The following POTEF variants were observed in gnomAD, a reference collection of about 807,000 sequenced individuals.
The protein encoded by POTEF is ANKRD26-like family C member 1B.
A neutral mutation model predicts 83.2 loss-of-function variants in POTEF; 20 were observed. That is an observed-to-expected ratio of 0.24 (90% CI 0.17 to 0.35). The LOEUF (loss-of-function observed/expected upper bound fraction) is 0.35. Among genes scored for constraint, POTEF ranks in the 10% least tolerant of loss-of-function variants. The pLI is 1.00. For missense variants in POTEF, 550 were observed against 1,203.2 expected (o/e 0.46, Z 8.03); for synonymous variants, 196 against 446.4 (o/e 0.44, Z 7.07).
chr2:130,111,536 T>G (rs1327742134), intron 6 of POTEF, among the ~76,000 whole-genome samples: 1 of 151,670 alleles, frequency 6.6e-6, no homozygotes, highest in Non-Finnish European at 1.5e-5. Flanking sequence ...CTAATATTCT[T>G]CAAAGAAAGC....
At chr2:130,083,622 G>T (rs3958662) in intron 15 of POTEF, among the ~76,000 whole-genome samples, 4 of 111,892 alleles carry the variant, frequency 3.6e-5, no homozygotes. Flanking sequence ...AGGAAAAATA[G>T]TTCTGGAGGA....
At chr2:130,122,720 T>C (rs1283274587) in intron 2 of POTEF, among the ~76,000 whole-genome samples, 1 of 151,356 alleles carries the variant, frequency 6.6e-6, no homozygotes, top group East Asian at 1.9e-4. Flanking sequence ...TGTGCTATAA[T>C]TTTCAGTATA....
chr2:130,109,987 C>G (rs868305662), intron 7 of POTEF, among the ~76,000 whole-genome samples: 9 of 151,458 alleles, frequency 5.9e-5, no homozygotes, highest in Middle Eastern at 3.4e-3. Context: ...TCTACTGATT[C>G]ATCTTAAGGC....
intron 2 of POTEF, among the ~76,000 whole-genome samples, chr2:130,126,563 G>A (rs1405745350): frequency 2.6e-5 from 4 of 151,996 alleles, no homozygotes; most frequent in South Asian, 4.2e-4. Context: ...ATTTTTGCAC[G>A]AGTGAAAAAT....
At chr2:130,103,301 C>G (rs138312386) in intron 8 of POTEF, among the ~76,000 whole-genome samples, 6,941 of 150,334 alleles carry the variant, frequency 0.046, 267 homozygotes, top group South Asian at 0.065. Context: ...CGGGGTTTCA[C>G]CATTGGCCAT....
At chr2:130,094,968 G>A (rs1365610753) in intron 11 of POTEF, among the ~76,000 whole-genome samples, 3 of 150,766 alleles carry the variant, frequency 2.0e-5, no homozygotes, top group Admixed American at 1.3e-4. Flanking sequence ...GAGCCAAAAC[G>A]ATTTTAAAAA....
chr2:130,075,018 C>G lies in POTEF; in HGVS notation c.2454G>C (p.Lys818Asn). 1 of 1,613,442 alleles carries G rather than the reference C, an allele frequency of 6.2e-7. No homozygotes were observed. Among genetic ancestry groups the G allele is most frequent in the Non-Finnish European group, 8.5e-7 (1 of 1,179,878 alleles). ...AGGTCTCAAACATGATCTGGGTCAT[C>G]TTCTCGCGGTTGGCCTTAGGGTTCA... ...ATLNPKANREKMTQIMFETFN... is the reference protein window; with the variant it reads ...ATLNPKANRENMTQIMFETFN... The change falls in exon 17 of 17, where the codon AAG (lysine) becomes AAC (asparagine). Residue 818 changes from lysine (K) to asparagine (N), a missense_variant. Lys to Asn is a moderately conservative substitution (Grantham distance 94). Coordinates refer to ENST00000409914, the MANE Select transcript of POTEF (RefSeq NM_001099771.2).
At chr2:130,107,915 A>AG in intron 8 of POTEF, 94 bp downstream of exon 8, 1 of 1,468,442 alleles carries the variant, frequency 6.8e-7, no homozygotes, top group Non-Finnish European at 9.3e-7. Context: ...ACCCTCCCCC[A>AG]GCCCATGGAA....
intron 8 of POTEF, among the ~76,000 whole-genome samples, chr2:130,104,771 T>C (rs1481862359): frequency 1.3e-5 from 2 of 151,310 alleles, no homozygotes; most frequent in African/African-American, 2.5e-5. Context: ...TCCCATTCTA[T>C]GTCTGTGGAT....
intron 12 of POTEF, among the ~76,000 whole-genome samples, chr2:130,088,928 T>A (rs1413253796): frequency 1.3e-5 from 2 of 152,354 alleles, no homozygotes; most frequent in Middle Eastern, 6.8e-3. Context: ...ATTCTGCATG[T>A]CTTTCCCCAA....
chr2:130,102,289 GT>G, intron 8 of POTEF, 109 bp from the exon 9 acceptor site: 1 of 1,180,442 alleles, frequency 8.5e-7, no homozygotes, highest in Non-Finnish European at 1.1e-6. Context: ...TAAATTGAGT[GT>G]TTAGTTTTTC....
chr2:130,104,533 C>A (rs1420739683), intron 8 of POTEF, among the ~76,000 whole-genome samples: 1 of 151,040 alleles, frequency 6.6e-6, no homozygotes, highest in Non-Finnish European at 1.5e-5. Flanking sequence ...TGGTTGCAGG[C>A]TGCAAGCGGG....
At chr2:130,102,904 G>A (rs1258399085) in intron 8 of POTEF, among the ~76,000 whole-genome samples, 3 of 151,392 alleles carry the variant, frequency 2.0e-5, no homozygotes, top group African/African-American at 7.4e-5. Flanking sequence ...CAAATCTGCT[G>A]AGCTGTTGCG....
At chr2:130,115,713 T>C (rs1259597459) in intron 3 of POTEF, among the ~76,000 whole-genome samples, 2 of 152,226 alleles carry the variant, frequency 1.3e-5, no homozygotes, top group East Asian at 1.9e-4. Flanking sequence ...ACAAAAGATA[T>C]AGAATAGTTC....
In POTEF at chr2:130,106,089, A is replaced by T. The variant is rs200348204; in HGVS notation, c.1126+1920T>A. ...CTTGCGATGTTGTGTTGTGAGAACA[A>T]GATGTTTGGAGCTGCTGCGGATTAG... is the stretch of plus-strand genomic sequence containing the variant. On this transcript the variant is annotated intron_variant, in intron 8 of 16. Transcript: ENST00000409914. Among the ~76,000 whole-genome samples the T allele has an allele frequency of 1.0e-3, 157 of 151,132 alleles. 4 individuals carry two copies. In the East Asian group the frequency reaches 0.027, roughly 26 times the overall value.
chr2:130,122,367 C>T (rs561098197), intron 2 of POTEF, among the ~76,000 whole-genome samples: 46 of 147,752 alleles, frequency 3.1e-4, no homozygotes, highest in African/African-American at 9.4e-4. Flanking sequence ...CTTTGAAGAA[C>T]GGCTTCATTT....
Position 130,120,370 on chromosome 2 carries a change from T to C in POTEF, c.146A>G (p.His49Arg), listed in dbSNP as rs768032214. 2 of 1,602,078 alleles carry C rather than the reference T, an allele frequency of 1.2e-6. No homozygotes were observed. The highest frequency in any genetic ancestry group is 1.7e-6 in the Non-Finnish European group (2 of 1,171,194). Reference protein sequence around the residue: ...GKSNVGTSGDHDDSAMKTLRS... With the variant: ...GKSNVGTSGDRDDSAMKTLRS... ...GAGTGTCTTCATAGCAGAGTCGTCGTGGTCTCCAGAAGTGCCCACGTTGCT... is the reference window on the plus strand; with the variant it reads ...GAGTGTCTTCATAGCAGAGTCGTCGCGGTCTCCAGAAGTGCCCACGTTGCT... Residue 49 changes from histidine to arginine, a missense_variant, in exon 3 of 17, where the codon CAC becomes CGC. By Grantham distance (29) the His-to-Arg change is conservative (BLOSUM62 0). Transcript: ENST00000409914.
chr2:130,105,484 T>C (rs1168714631), intron 8 of POTEF, among the ~76,000 whole-genome samples: 3 of 151,750 alleles, frequency 2.0e-5, no homozygotes, highest in Non-Finnish European at 4.4e-5. Context: ...GTAAAGAACC[T>C]TCCATCAATC....
chr2:130,103,075 C>T (rs186197591), intron 8 of POTEF, among the ~76,000 whole-genome samples: 1 of 147,744 alleles, frequency 6.8e-6, no homozygotes, highest in Non-Finnish European at 1.5e-5. Flanking sequence ...ACTATTCTGA[C>T]ACATTTATTT....
Sources: allele counts gnomAD v4.1 joint callset (sites outside exome capture counted in the v4.1 genomes callset), GRCh38; gene constraint gnomAD v4.1.1; transcripts MANE v1.5; gene names NCBI Gene and HGNC (gene_info 2026-07-23, HGNC 2026-07-21).